The following MYBPC2 variants were observed in gnomAD, a reference collection of about 807,000 sequenced individuals.
The protein encoded by MYBPC2 is myosin binding protein C2.
A neutral mutation model predicts 137.0 loss-of-function variants in MYBPC2; 122 were observed. The ratio of observed to expected loss-of-function variants is 0.89; its 90% CI spans 0.77 to 1.03. MYBPC2 has a LOEUF of 1.03. Ranked by LOEUF, MYBPC2 falls within the 50% of genes least tolerant of loss-of-function variation. The probability of loss-of-function intolerance (pLI) is 0.00; values close to 1 mark genes in which losing one functional copy is unlikely to be tolerated. For missense variants in MYBPC2, 1,500 were observed against 1,534.4 expected, an observed-to-expected ratio of 0.98 and a Z score of 0.37; for synonymous variants, 626 against 612.3, an observed-to-expected ratio of 1.02 and a Z score of -0.33.
At chr19:50,440,611 C>T (rs1420020558) in intron 7 of MYBPC2, among the ~76,000 whole-genome samples, 4 of 147,782 alleles carry the variant, frequency 2.7e-5, no homozygotes, top group African/African-American at 7.5e-5. Flanking sequence ...TGTAGTGAGC[C>T]GAGATCACGC....
At chr19:50,453,692 C>T (rs540279839) in intron 16 of MYBPC2, among the ~76,000 whole-genome samples, 5 of 152,020 alleles carry the variant, frequency 3.3e-5, no homozygotes, top group Non-Finnish European at 5.9e-5. Context: ...AGGCATGCAC[C>T]ACCAGGCCCG....
chr19:50,448,384 T>C lies in MYBPC2; in HGVS notation c.1466T>C (p.Val489Ala). 6.2e-7 allele frequency: 1 copy of C among 1,613,382 alleles called. No homozygotes were observed. ...RPSKRITISH[V>A]GRFHKLVIDD... ...AGCAAGAGGATCACCATTTCCCATG[T>C]AGGCAGGTGAGGAGTGGGCTGCAGA... Residue 489 changes from valine to alanine, a missense_variant, in exon 13 of 28, where the codon GTA (valine) becomes GCA (alanine). Transcript: ENST00000357701.
At chr19:50,448,969 A>T (rs1261091826) in intron 13 of MYBPC2, among the ~76,000 whole-genome samples, 1 of 151,672 alleles carries the variant, frequency 6.6e-6, no homozygotes, top group Non-Finnish European at 1.5e-5. Context: ...ACCTCAGCTG[A>T]TCCACCCACC....
intron 7 of MYBPC2, among the ~76,000 whole-genome samples, chr19:50,438,550 A>G (rs2445828): frequency 0.74 from 112,941 of 152,004 alleles, 42,889 homozygotes; most frequent in African/African-American, 0.91. Context: ...TGAACTATGT[A>G]AAATTGATGT....
chr19:50,435,861 T>C lies in MYBPC2; in HGVS notation c.195T>C (p.Thr65=). 1 of 1,588,946 alleles carries C rather than the reference T, an allele frequency of 6.3e-7. No individual in the cohort carries two copies. Among genetic ancestry groups the C allele is most frequent in the South Asian group, 1.1e-5 (1 of 87,252 alleles). The change falls in exon 3 of 28, where the codon ACT becomes ACC. Residue 65 remains threonine, a splice_region_variant and synonymous_variant. Coordinates refer to ENST00000357701, the MANE Select transcript of MYBPC2 (RefSeq NM_004533.4). This position sits in a 1 kb window ranked among gnomAD's most constrained non-coding sequence, Gnocchi z 4.8. ...AGCCGGACTCCGTCTCAGTGGAGAC[T>C]GGTGAGGGGAACCCGGGGGAGGAGG... is the stretch of plus-strand genomic sequence containing the variant. The part of the protein sequence containing the change: ...LKKPDSVSVE[T]GKDAVVVAKV...
chr19:50,440,300 G>A (rs1034045643), intron 7 of MYBPC2, among the ~76,000 whole-genome samples: 2 of 148,618 alleles, frequency 1.3e-5, no homozygotes, highest in African/African-American at 5.0e-5. Flanking sequence ...AACACCACCT[G>A]TTTCCCAATA....
chr19:50,445,793 C>T (rs924351096), intron 11 of MYBPC2, 87 bp from the exon 12 acceptor site: 1 of 1,364,342 alleles, frequency 7.3e-7, no homozygotes, highest in African/African-American at 1.5e-5. Context: ...TCTGATCCCT[C>T]TGCATGGGCC....
At chr19:50,458,546 G>T in intron 20 of MYBPC2, 41 bp from the exon 21 acceptor site, 1 of 1,601,294 alleles carries the variant, frequency 6.2e-7, no homozygotes. Flanking sequence ...CGGAGGATGG[G>T]AGGAGGGCAC....
Position 50,455,497 on chromosome 19 carries a change from T to C in MYBPC2, c.2204-13T>C, listed in dbSNP as rs748130023. ...TCATTCCCCCCATATCCTCTTTTTC[T>C]GGATGCTTGCAGCACCCACGAGTGA... On this transcript the variant is annotated splice_polypyrimidine_tract_variant and intron_variant, in intron 19 of 27. Transcript: ENST00000357701. 2 of 1,609,898 alleles carry C rather than the reference T, an allele frequency of 1.2e-6. No homozygotes were observed. The highest frequency in any genetic ancestry group is 1.3e-5 in the African/African-American group (1 of 74,964).
In MYBPC2 at chr19:50,443,537, A is replaced by C; in HGVS notation, c.946A>C (p.Asn316His). ...TGGTAAGAAGCGAATTCTTACCATCAACAAGTGCACGCTGGCGGATGACGC... is the reference window on the plus strand; with the variant it reads ...TGGTAAGAAGCGAATTCTTACCATCCACAAGTGCACGCTGGCGGATGACGC... Reference protein sequence around the residue: ...NVGKKRILTINKCTLADDAAY... With the variant: ...NVGKKRILTIHKCTLADDAAY... The change falls in exon 10 of 28, where the codon AAC becomes CAC. Residue 316 changes from asparagine to histidine, a missense_variant. By Grantham distance (68) the Asn-to-His change is moderately conservative (BLOSUM62 1). Transcript: ENST00000357701. 6.2e-7 allele frequency: 1 copy of C among 1,613,262 alleles called. No individual in the cohort carries two copies. Among genetic ancestry groups the C allele is most frequent in the Non-Finnish European group, 8.5e-7 (1 of 1,179,610 alleles).
At chr19:50,442,592 T>C (rs752963751) in intron 9 of MYBPC2, among the ~76,000 whole-genome samples, 1 of 151,530 alleles carries the variant, frequency 6.6e-6, no homozygotes, top group Non-Finnish European at 1.5e-5. Context: ...GGCACATGTC[T>C]GTAGTGCCTG....
At chr19:50,451,566 A>G (rs1332989519) in intron 15 of MYBPC2, among the ~76,000 whole-genome samples, 1 of 135,110 alleles carries the variant, frequency 7.4e-6, no homozygotes, top group Non-Finnish European at 1.6e-5. Flanking sequence ...GGGGACCTGG[A>G]TCCCTGGGTC....
At position 50,435,039 on chromosome 19, in the gene MYBPC2, C is replaced by T. The variant is rs2039689173; in HGVS notation, c.20-122C>T. Reference sequence around the variant, plus strand: ...ACTCCTGGGTCTGAGGGAGGAGGGGCTGGGGGCCTGGACTCCTGGGTCTGA... The same window carrying T: ...ACTCCTGGGTCTGAGGGAGGAGGGGTTGGGGGCCTGGACTCCTGGGTCTGA... On this transcript the variant is annotated intron_variant, in intron 1 of 27. Coordinates refer to ENST00000357701, the MANE Select transcript of MYBPC2 (RefSeq NM_004533.4). The surrounding 1 kb of genome is among the most constrained non-coding windows in gnomAD (Gnocchi z 4.8). 1.6e-6 allele frequency: 1 copy of T among 615,584 alleles called. No individual in the cohort carries two copies. Among genetic ancestry groups the T allele is most frequent in the South Asian group, 1.7e-5 (1 of 60,440 alleles). 38.1% of individuals were successfully genotyped at this position (615,584 alleles called of 1,614,324 possible).
chr19:50,435,245 C>T lies in MYBPC2; in HGVS notation c.104C>T (p.Pro35Leu). The T allele has an allele frequency of 8.0e-7, 1 of 1,244,446 alleles. No homozygotes were observed. The highest frequency in any genetic ancestry group is 1.2e-6 in the Non-Finnish European group (1 of 855,420). 77.1% of individuals were successfully genotyped at this position (1,244,446 alleles called of 1,614,324 possible). A position where few individuals can be genotyped will look rare whatever the true frequency, so the allele number is the denominator to read the frequency against. ...CCTAAGGAGGCTCCTGCAGAGGCCC[C>T]CAAAGGTGAGGAGGTGCTCCCTCGG... The part of the protein sequence containing the change: ...APPKEAPAEA[P>L]KEAPPEDQSP... Residue 35 changes from proline to leucine, a missense_variant, in exon 2 of 28, where the codon CCC becomes CTC. Transcript: ENST00000357701. The surrounding 1 kb of genome is among the most constrained non-coding windows in gnomAD (Gnocchi z 4.8).
chr19:50,456,334 G>A lies in MYBPC2; in HGVS notation c.2338+690G>A, dbSNP rs576879884. Reference sequence around the variant, plus strand: ...CATCCATCTGTCCATCCATCCATCCGTCTGTCCATCCATCTGTCCATCCAT... The same window carrying A: ...CATCCATCTGTCCATCCATCCATCCATCTGTCCATCCATCTGTCCATCCAT... On this transcript the variant is annotated intron_variant, in intron 20 of 27. Transcript: ENST00000357701. 1.1e-4 allele frequency among the ~76,000 whole-genome samples: 14 copies of A among 125,726 alleles called. 1 individual carries two copies. The South Asian group carries it at 2.7e-3, about 24-fold the overall frequency. 82.5% of individuals were successfully genotyped at this position (125,726 alleles called of 152,430 possible).
Position 50,458,617 on chromosome 19 carries a change from C to T in MYBPC2, c.2369C>T (p.Pro790Leu). 6 of 1,612,732 alleles carry T rather than the reference C, an allele frequency of 3.7e-6. No homozygotes were observed. The highest frequency in any genetic ancestry group is 5.1e-6 in the Non-Finnish European group (6 of 1,179,890). ...GAATGGGTCCCTGCCAACACCGAGC[C>T]CGTGGAGCGCTGTGGCTTCACCGTC... ...SEEWVPANTE[P>L]VERCGFTVKN... Residue 790 changes from proline (P) to leucine (L), a missense_variant, in exon 21 of 28, where the codon CCC (proline) becomes CTC (leucine). Physicochemically the swap from Pro to Leu is moderately conservative, Grantham distance 98. Coordinates refer to ENST00000357701, the MANE Select transcript of MYBPC2 (RefSeq NM_004533.4).
Position 50,455,219 on chromosome 19 carries a change from A to T in MYBPC2, c.2126A>T (p.Tyr709Phe). The T allele has an allele frequency of 6.2e-7, 1 of 1,613,868 alleles. No individual in the cohort carries two copies. Among genetic ancestry groups the T allele is most frequent in the African/African-American group, 1.3e-5 (1 of 75,022 alleles). The change falls in exon 19 of 28, where the codon TAT (tyrosine) becomes TTT (phenylalanine). Residue 709 changes from tyrosine (Y) to phenylalanine (F), a missense_variant. Coordinates refer to ENST00000357701, the MANE Select transcript of MYBPC2 (RefSeq NM_004533.4). ...ACCAAGATGATCGAGGGCATCCTCT[A>T]TGAGATGCGTGTCTTCGCCGTCAAT... Reference protein sequence around the residue: ...ESTKMIEGILYEMRVFAVNAI... With the variant: ...ESTKMIEGILFEMRVFAVNAI...
chr19:50,440,044 G>A (rs1051656466), intron 7 of MYBPC2, among the ~76,000 whole-genome samples: 15 of 152,136 alleles, frequency 9.9e-5, no homozygotes, highest in Admixed American at 7.9e-4. Flanking sequence ...GCTTGGTTCA[G>A]GTGACTTTGG....
At chr19:50,438,090 T>C (rs1437458183) in intron 7 of MYBPC2, among the ~76,000 whole-genome samples, 2 of 152,022 alleles carry the variant, frequency 1.3e-5, no homozygotes, top group Admixed American at 1.3e-4. Context: ...CCCTCCACTT[T>C]CCACCCACTG....
Sources: gnomAD v4.1 joint callset for allele counts (sites outside exome capture counted in the v4.1 genomes callset) on GRCh38, gnomAD v4.1.1 for gene constraint, Gnocchi (gnomAD v3.1) non-coding constraint, MANE v1.5 for transcripts, NCBI Gene and HGNC (gene_info 2026-07-23, HGNC 2026-07-21) for gene names.